Variants in PRICKLE2 observed in about 807,000 individuals in gnomAD.
The protein encoded by PRICKLE2 is prickle-like protein 2.
PRICKLE2 carries 21 observed loss-of-function variants against 81.4 expected under a neutral mutation model. The ratio of observed to expected loss-of-function variants is 0.26; its 90% CI spans 0.18 to 0.37. PRICKLE2 has a LOEUF of 0.37. Among genes scored for constraint, PRICKLE2 ranks in the 10% least tolerant of loss-of-function variants. The pLI is 1.00. For synonymous variants in PRICKLE2, 456 were observed against 421.5 expected, an observed-to-expected ratio of 1.08 and a Z score of -1.00; for missense variants, 940 against 1,109.0, an observed-to-expected ratio of 0.85 and a Z score of 2.16.
chr3:64,247,249 C>T (rs1013281365), intron 2 of PRICKLE2, among the ~76,000 whole-genome samples: 1 of 152,110 alleles, frequency 6.6e-6, no homozygotes, highest in Admixed American at 6.5e-5. Context: ...GAACAGAAGA[C>T]TCCTAAAATA....
At chr3:64,199,137 G>C in intron 1 of PRICKLE2, 170 bp from the exon 2 acceptor site, 4 of 672,006 alleles carry the variant, frequency 6.0e-6, no homozygotes, top group Non-Finnish European at 7.8e-6. Context: ...TCTTTGCAGA[G>C]GGCGTGGTAC....
chr3:64,145,305 TC>T (rs2077429908), intron 7 of PRICKLE2: 1 of 146,004 alleles, frequency 6.8e-6, no homozygotes, highest in Non-Finnish European at 1.5e-5. Flanking sequence ...ATATATTATA[TC>T]ATATATATTT....
intron 2 of PRICKLE2, among the ~76,000 whole-genome samples, chr3:64,267,604 T>C (rs1271025806): frequency 6.6e-6 from 1 of 151,024 alleles, no homozygotes; most frequent in African/African-American, 2.4e-5. Context: ...GATGTTTTCA[T>C]GTTCCCTCTT....
At chr3:64,192,456 T>C (rs1353519007) in intron 2 of PRICKLE2, among the ~76,000 whole-genome samples, 1 of 152,250 alleles carries the variant, frequency 6.6e-6, no homozygotes, top group African/African-American at 2.4e-5. Flanking sequence ...AGCATGTAAC[T>C]GAGGACCTAA....
At chr3:64,188,268 G>A (rs161664) in intron 2 of PRICKLE2, among the ~76,000 whole-genome samples, 102,726 of 152,070 alleles carry the variant, frequency 0.68, 35,595 homozygotes, top group East Asian at 0.95. Context: ...AAGCATCCCC[G>A]TGTTACAGCT....
intron 2 of PRICKLE2, among the ~76,000 whole-genome samples, chr3:64,171,085 T>C (rs530507399): frequency 6.6e-6 from 1 of 152,260 alleles, no homozygotes; most frequent in Admixed American, 6.5e-5. Context: ...TGCTGTTCCT[T>C]TCACCTCATG....
intron 2 of PRICKLE2, among the ~76,000 whole-genome samples, chr3:64,244,735 C>A (rs974158947): frequency 6.6e-6 from 1 of 151,910 alleles, no homozygotes; most frequent in Non-Finnish European, 1.5e-5. Context: ...TTAGCATGAC[C>A]TAGGCTTCAT....
chr3:64,120,056 G>T (rs2077001073), intron 7 of PRICKLE2, among the ~76,000 whole-genome samples: 1 of 152,154 alleles, frequency 6.6e-6, no homozygotes, highest in Admixed American at 6.5e-5. Flanking sequence ...GGGGCTACTA[G>T]AGGGGAAGGA....
At chr3:64,123,466 T>C (rs916142963) in intron 7 of PRICKLE2, among the ~76,000 whole-genome samples, 2 of 152,254 alleles carry the variant, frequency 1.3e-5, no homozygotes, top group South Asian at 4.1e-4. Context: ...GTAAGCCATA[T>C]GCAAATATAG....
chr3:64,121,499 G>A (rs1306343922), intron 7 of PRICKLE2, among the ~76,000 whole-genome samples: 1 of 150,854 alleles, frequency 6.6e-6, no homozygotes, highest in Non-Finnish European at 1.5e-5. Flanking sequence ...CTCAGTTATT[G>A]TAACTCGGCT....
Position 64,098,166 on chromosome 3 carries a change from G to C in PRICKLE2, c.*885C>G, listed in dbSNP as rs1227777524. On this transcript the variant is annotated 3_prime_UTR_variant, in exon 8 of 8. Transcript: ENST00000638394. ...TCACAGTCACTTTTACTTTCCCCAA[G>C]GGATAGATCAACATTAAGTAACTTC... 3 of 152,598 alleles carry C rather than the reference G, an allele frequency of 2.0e-5. No homozygotes were observed. The allele number at this position is 152,598 out of a possible 1,614,324, so 9.5% of individuals were successfully genotyped here.
intron 2 of PRICKLE2, among the ~76,000 whole-genome samples, chr3:64,242,066 C>A (rs2079273758): frequency 6.6e-6 from 1 of 152,062 alleles, no homozygotes; most frequent in African/African-American, 2.4e-5. Context: ...CTTGGGATGC[C>A]AAGTGTGCCT....
intron 2 of PRICKLE2, among the ~76,000 whole-genome samples, chr3:64,189,803 A>C (rs948396977): frequency 5.3e-5 from 8 of 152,216 alleles, no homozygotes; most frequent in Non-Finnish European, 4.4e-5. Flanking sequence ...ATGTAAGTAG[A>C]GTACTAGCTA....
intron 4 of PRICKLE2, among the ~76,000 whole-genome samples, chr3:64,157,833 T>C (rs534282426): frequency 1.4e-4 from 21 of 152,264 alleles, no homozygotes; most frequent in African/African-American, 4.3e-4. Flanking sequence ...GGAGGGTGGA[T>C]ACATAACAGC....
At chr3:64,219,268 C>T (rs2078915151) in intron 1 of PRICKLE2, among the ~76,000 whole-genome samples, 1 of 152,186 alleles carries the variant, frequency 6.6e-6, no homozygotes, top group Non-Finnish European at 1.5e-5. Context: ...ACATATAGAT[C>T]ACCTGATTTA....
chr3:64,160,229 A>C, intron 3 of PRICKLE2, 152 bp from the exon 4 acceptor site: 1 of 817,976 alleles, frequency 1.2e-6, no homozygotes, highest in Non-Finnish European at 2.0e-6. Context: ...GGAGAGATTT[A>C]AGGTGAGTCT....
At chr3:64,213,493 C>T (rs948663766) in intron 1 of PRICKLE2, among the ~76,000 whole-genome samples, 1 of 152,172 alleles carries the variant, frequency 6.6e-6, no homozygotes, top group Non-Finnish European at 1.5e-5. Context: ...TTTCATGTAA[C>T]TTTTGAATTG....
At chr3:64,171,559 G>GGACT (rs2107062569) in intron 2 of PRICKLE2, among the ~76,000 whole-genome samples, 1 of 152,136 alleles carries the variant, frequency 6.6e-6, no homozygotes, top group East Asian at 1.9e-4. Flanking sequence ...TGAGTACTTA[G>GGACT]GACTGTGTTT....
chr3:64,192,898 A>G (rs377326508), intron 2 of PRICKLE2, among the ~76,000 whole-genome samples: 2 of 152,232 alleles, frequency 1.3e-5, no homozygotes, highest in African/African-American at 4.8e-5. Context: ...CAAAACATCA[A>G]TGAAAAAGAC....
Sources: allele counts gnomAD v4.1 joint callset (sites outside exome capture counted in the v4.1 genomes callset), GRCh38; gene constraint gnomAD v4.1.1; transcripts MANE v1.5; gene names NCBI Gene and HGNC (gene_info 2026-07-23, HGNC 2026-07-21).